The following NTRK3 variants were observed in gnomAD, a reference collection of about 807,000 sequenced individuals.
The protein encoded by NTRK3 is neurotrophic receptor tyrosine kinase 3, also known as NT-3 growth factor receptor.
A neutral mutation model predicts 91.7 loss-of-function variants in NTRK3; 24 were observed. The ratio of observed to expected loss-of-function variants is 0.26; its 90% CI spans 0.19 to 0.37. The LOEUF is 0.37. NTRK3 is among the 10% of genes least tolerant of loss of function. The pLI is 1.00. For missense variants in NTRK3, 880 were observed against 1,068.9 expected, an observed-to-expected ratio of 0.82 and a Z score of 2.46; for synonymous variants, 483 against 404.0, an observed-to-expected ratio of 1.20 and a Z score of -2.34.
chr15:88,029,549 A>G lies in NTRK3; in HGVS notation c.1585+3308T>C, dbSNP rs187807495. On this transcript the variant is annotated intron_variant, in intron 14 of 18. Coordinates refer to ENST00000394480, the Ensembl canonical transcript of NTRK3. ...GGATGGGGAAATAAGGGGTGAAGTC[A>G]GGTAGCATTATGTTCATGCAATTCC... is the stretch of plus-strand genomic sequence containing the variant. 1.5e-4 allele frequency among the ~76,000 whole-genome samples: 23 copies of G among 152,358 alleles called. 1 individual carries two copies. The East Asian group carries it at 4.4e-3, about 29-fold the overall frequency.
intron 14 of NTRK3, among the ~76,000 whole-genome samples, chr15:87,962,556 C>T (rs1252577413): frequency 2.6e-5 from 4 of 152,224 alleles, no homozygotes; most frequent in Non-Finnish European, 4.4e-5. Flanking sequence ...TCCACCCCTT[C>T]AGATTTCCTG....
At chr15:88,222,521 A>C (rs1007924291) in intron 3 of NTRK3, among the ~76,000 whole-genome samples, 2 of 152,204 alleles carry the variant, frequency 1.3e-5, no homozygotes, top group Non-Finnish European at 2.9e-5. Flanking sequence ...ATTTCAGTTT[A>C]TGGAGCACAT....
At chr15:87,922,345 G>C (rs900507889) in intron 17 of NTRK3, among the ~76,000 whole-genome samples, 1 of 152,118 alleles carries the variant, frequency 6.6e-6, no homozygotes, top group Admixed American at 6.6e-5. Context: ...AAACTGGAAG[G>C]CACCTTAGAG....
At chr15:87,953,377 G>C (rs911343197) in intron 14 of NTRK3, among the ~76,000 whole-genome samples, 4 of 152,186 alleles carry the variant, frequency 2.6e-5, no homozygotes, top group African/African-American at 9.7e-5. Context: ...CTTTGGACCA[G>C]AAGACGATTC....
intron 17 of NTRK3, 77 bp from the exon 18 acceptor site, chr15:87,885,812 G>A: frequency 1.7e-6 from 1 of 573,720 alleles, no homozygotes; most frequent in East Asian, 3.4e-5. Flanking sequence ...GAAAAGGAAG[G>A]CCTTCCTAAA....
intron 15 of NTRK3, among the ~76,000 whole-genome samples, chr15:87,936,959 C>A (rs141463732): frequency 6.6e-6 from 1 of 152,176 alleles, no homozygotes; most frequent in African/African-American, 2.4e-5. Context: ...TCTCTCTTTG[C>A]GTCCTGTCCT....
intron 14 of NTRK3, among the ~76,000 whole-genome samples, chr15:87,955,672 C>T (rs1385257292): frequency 6.6e-6 from 1 of 152,202 alleles, no homozygotes; most frequent in Admixed American, 6.5e-5. Context: ...GTAACCCTTG[C>T]TCCAAACTTG....
intron 14 of NTRK3, among the ~76,000 whole-genome samples, chr15:88,025,337 A>G (rs2141935160): frequency 6.6e-6 from 1 of 152,374 alleles, no homozygotes; most frequent in East Asian, 1.9e-4. Flanking sequence ...AGCTTTATTT[A>G]TAATTGCCCA....
At chr15:87,893,710 C>T (rs570328018) in intron 17 of NTRK3, among the ~76,000 whole-genome samples, 10 of 152,210 alleles carry the variant, frequency 6.6e-5, no homozygotes, top group Admixed American at 2.6e-4. Flanking sequence ...AAGCCTGCTT[C>T]TCACTGAGAG....
chr15:87,968,944 A>G (rs767460752), intron 14 of NTRK3, among the ~76,000 whole-genome samples: 1 of 152,132 alleles, frequency 6.6e-6, no homozygotes, highest in Non-Finnish European at 1.5e-5. Flanking sequence ...CAGCTTTACC[A>G]CCAATCCTTC....
At chr15:87,966,667 C>T (rs2072824960) in intron 14 of NTRK3, among the ~76,000 whole-genome samples, 2 of 152,144 alleles carry the variant, frequency 1.3e-5, no homozygotes, top group Admixed American at 6.6e-5. Flanking sequence ...TGAAGAGACC[C>T]GCATGTGTCC....
intron 14 of NTRK3, among the ~76,000 whole-genome samples, chr15:87,988,225 C>T (rs1178748456): frequency 6.6e-6 from 1 of 152,186 alleles, no homozygotes; most frequent in East Asian, 1.9e-4. Flanking sequence ...TCCCAACTGA[C>T]AGCCAAAATT....
intron 3 of NTRK3, among the ~76,000 whole-genome samples, chr15:88,204,432 T>C (rs1049093998): frequency 6.6e-6 from 1 of 152,208 alleles, no homozygotes; most frequent in African/African-American, 2.4e-5. Flanking sequence ...ATTATAGAAA[T>C]GTAGGGAAGC....
chr15:88,136,736 G>C, intron 7 of NTRK3, 127 bp from the exon 8 acceptor site: 1 of 1,164,266 alleles, frequency 8.6e-7, no homozygotes, highest in Non-Finnish European at 1.2e-6. Context: ...ACCTGCTTGA[G>C]TTCTTGGAAG....
rs564495536 is a variant in NTRK3, at chr15:88,002,837, G to GA, written c.1585+30019dup. On this transcript the variant is annotated intron_variant, in intron 14 of 18. Transcript: ENST00000394480. ...CTATCACAACTACGGCCTATTGAAG[G>GA]AAAAAAAACAAAAAGCAGACTCCCC... Among the ~76,000 whole-genome samples, 178 of 151,128 alleles carry GA rather than the reference G, an allele frequency of 1.2e-3. 1 individual carries two copies. Among genetic ancestry groups the GA allele is most frequent in the Non-Finnish European group, 2.0e-3 (137 of 67,724 alleles).
At chr15:87,937,971 A>G (rs1256464830) in intron 15 of NTRK3, among the ~76,000 whole-genome samples, 4 of 152,000 alleles carry the variant, frequency 2.6e-5, no homozygotes, top group Middle Eastern at 3.2e-3. Context: ...CAGAGACGAA[A>G]AAAAAAAAGG....
chr15:87,879,901 A>T (rs952453599), intron 18 of NTRK3, among the ~76,000 whole-genome samples: 6 of 152,172 alleles, frequency 3.9e-5, no homozygotes, highest in African/African-American at 1.4e-4. Flanking sequence ...GTGCACCCAG[A>T]TTATGTGGGC....
exon 19 of NTRK3, chr15:87,874,259 C>T: frequency 1.1e-5 from 1 of 87,226 alleles, no homozygotes. Context: ...ATATATCTTC[C>T]CTCGCTACCC....
chr15:87,944,887 T>G (rs1194429956), intron 14 of NTRK3, among the ~76,000 whole-genome samples: 5 of 152,220 alleles, frequency 3.3e-5, no homozygotes, highest in Non-Finnish European at 5.9e-5. Flanking sequence ...CACGCGTCTA[T>G]TTGGGTCCCT....
Sources: gnomAD v4.1 joint callset for allele counts (sites outside exome capture counted in the v4.1 genomes callset) on GRCh38, gnomAD v4.1.1 for gene constraint, MANE v1.5 for transcripts, NCBI Gene and HGNC (gene_info 2026-07-23, HGNC 2026-07-21) for gene names.